Variants in SLC14A2 observed in about 807,000 individuals in gnomAD.
The protein encoded by SLC14A2 is solute carrier family 14 member 2, also known as urea transporter 2.
In SLC14A2, 91 loss-of-function variants were observed where a neutral mutation model predicts 104.6. That is an observed-to-expected ratio of 0.87 (90% CI 0.73 to 1.04). The LOEUF is 1.04. SLC14A2 is among the 50% of genes least tolerant of loss of function. The pLI, the probability that SLC14A2 is intolerant of heterozygous loss-of-function variation, is 0.00. For missense variants in SLC14A2, 1,189 were observed against 1,156.0 expected, an observed-to-expected ratio of 1.03 and a Z score of -0.41; for synonymous variants, 476 against 466.4, an observed-to-expected ratio of 1.02 and a Z score of -0.27.
chr18:45,205,493 C>A, the SLC14A2 span, among the ~76,000 whole-genome samples: 1 of 151,974 alleles, frequency 6.6e-6, no homozygotes, highest in Non-Finnish European at 1.5e-5. Context: ...TGAAGCGAGC[C>A]GTATAATGAG....
chr18:45,351,233 T>C (rs1233217498), intron 1 of SLC14A2, among the ~76,000 whole-genome samples: 1 of 152,220 alleles, frequency 6.6e-6, no homozygotes, highest in Non-Finnish European at 1.5e-5. Flanking sequence ...ATCTTGACCC[T>C]GATCAGTTTA....
At chr18:45,242,371 G>A (rs1390983107) in intron 1 of SLC14A2, among the ~76,000 whole-genome samples, 3 of 152,294 alleles carry the variant, frequency 2.0e-5, no homozygotes, top group Non-Finnish European at 2.9e-5. Flanking sequence ...TGTCACGTCA[G>A]TCAAAGGCGG....
chr18:45,667,778 C>T (rs1040978347), intron 13 of SLC14A2, 55 bp from the exon 14 acceptor site: 3 of 1,488,694 alleles, frequency 2.0e-6, no homozygotes, highest in Non-Finnish European at 1.9e-6. Context: ...CATCTGCCCA[C>T]CCAGGGCTGC....
At chr18:45,327,427 G>A (rs1036733203) in intron 1 of SLC14A2, among the ~76,000 whole-genome samples, 6 of 152,024 alleles carry the variant, frequency 3.9e-5, no homozygotes, top group African/African-American at 9.7e-5. Context: ...AAGTACATTC[G>A]CAATGCCATG....
chr18:45,196,042 G>A, the SLC14A2 span, among the ~76,000 whole-genome samples: 1 of 152,168 alleles, frequency 6.6e-6, no homozygotes, highest in African/African-American at 2.4e-5. Context: ...TGGAAGTGAA[G>A]TACAGAAACA....
At chr18:45,181,198 CTG>C in the SLC14A2 span, 1 of 152,354 alleles carries the variant, frequency 6.6e-6, no homozygotes, top group South Asian at 2.1e-4. Flanking sequence ...CACACGAAGT[CTG>C]TATGTCCGTA....
chr18:45,451,679 A>G (rs937387670), intron 1 of SLC14A2, among the ~76,000 whole-genome samples: 1 of 150,668 alleles, frequency 6.6e-6, no homozygotes, highest in Non-Finnish European at 1.5e-5. Flanking sequence ...CAGTTTATCT[A>G]TGCCTGCAAT....
rs2045508257 is a variant in SLC14A2, at chr18:45,640,570, T to A, written c.992-639T>A. On this transcript the variant is annotated intron_variant, in intron 7 of 19. Transcript: ENST00000255226. ...GTATTTGCTCTTTCTGACAACAGAG[T>A]CAGAGATTGGGGTAGGAGCATTGGG... is the stretch of plus-strand genomic sequence containing the variant. 3.3e-5 allele frequency among the ~76,000 whole-genome samples: 5 copies of A among 152,162 alleles called. No homozygotes were observed. The South Asian group carries it at 1.0e-3, about 32-fold the overall frequency.
At chr18:45,642,711 TCA>T (rs976757503) in intron 8 of SLC14A2, among the ~76,000 whole-genome samples, 8 of 152,152 alleles carry the variant, frequency 5.3e-5, no homozygotes, top group Non-Finnish European at 7.3e-5. Context: ...TCACAGCTGC[TCA>T]CAGTCTTGAA....
chr18:45,595,162 A>G (rs1039931872), intron 2 of SLC14A2, among the ~76,000 whole-genome samples: 1 of 152,236 alleles, frequency 6.6e-6, no homozygotes, highest in Non-Finnish European at 1.5e-5. Context: ...TTATAAAAAT[A>G]ATAGTATGCT....
chr18:45,268,423 C>A (rs2084614830), intron 1 of SLC14A2, among the ~76,000 whole-genome samples: 1 of 152,168 alleles, frequency 6.6e-6, no homozygotes, highest in Admixed American at 6.5e-5. Flanking sequence ...GTCTCTAATA[C>A]AGGATAAATA....
chr18:45,359,852 T>C (rs1376277023), intron 1 of SLC14A2, among the ~76,000 whole-genome samples: 3 of 152,230 alleles, frequency 2.0e-5, no homozygotes, highest in African/African-American at 7.2e-5. Flanking sequence ...GATGAAATGA[T>C]AGGGGCTCAG....
intron 1 of SLC14A2, among the ~76,000 whole-genome samples, chr18:45,300,674 G>A (rs2084959912): frequency 6.6e-6 from 1 of 152,090 alleles, no homozygotes; most frequent in Admixed American, 6.6e-5. Context: ...TATAAACCAG[G>A]CACTCTTTTA....
In SLC14A2 at chr18:45,673,033, TG is replaced by T; in HGVS notation, c.2367del (p.Met790CysfsTer2). The part of the protein sequence containing the change: ...ICLHAAIGST[M>X]GMLAALTIAT... ...TTGCATGCAGCAATTGGATCCACCA[TG>T]GGGATGCTAGCAGGTCTGTGTCCTC... On this transcript the variant is annotated frameshift_variant, in exon 17 of 20. Transcript: ENST00000255226. LOFTEE classifies it high-confidence loss of function. 1 of 1,614,016 alleles carries T rather than the reference TG, an allele frequency of 6.2e-7. No individual in the cohort carries two copies. Among genetic ancestry groups the T allele is most frequent in the South Asian group, 1.1e-5 (1 of 91,086 alleles).
intron 5 of SLC14A2, among the ~76,000 whole-genome samples, chr18:45,634,296 AT>A (rs1256394922): frequency 2.6e-5 from 4 of 152,244 alleles, no homozygotes; most frequent in Non-Finnish European, 1.5e-5. Context: ...TGCTGGGAAT[AT>A]TTGTAAACAA....
chr18:45,286,732 G>GTGTGTGTC (rs1162796097), intron 1 of SLC14A2, among the ~76,000 whole-genome samples: 9 of 152,048 alleles, frequency 5.9e-5, no homozygotes, highest in African/African-American at 2.2e-4. Context: ...GTGTGTGTGT[G>GTGTGTGTC]TGTGTCTGTG....
At chr18:45,263,710 T>G (rs1306572985) in intron 1 of SLC14A2, among the ~76,000 whole-genome samples, 1 of 152,242 alleles carries the variant, frequency 6.6e-6, no homozygotes. Context: ...ATTTATTGTA[T>G]TCTGCTGTTA....
chr18:45,414,596 TA>T (rs200138739), intron 1 of SLC14A2, among the ~76,000 whole-genome samples: 134 of 143,234 alleles, frequency 9.4e-4, no homozygotes, highest in African/African-American at 1.7e-3. Context: ...ATCCAGAACT[TA>T]AAAAAAAAAA....
chr18:45,408,988 T>G (rs902180068), intron 1 of SLC14A2, among the ~76,000 whole-genome samples: 1 of 152,078 alleles, frequency 6.6e-6, no homozygotes, highest in African/African-American at 2.4e-5. Flanking sequence ...CTTAACAAAA[T>G]GCAATCTGGG....
Sources: gnomAD v4.1 joint callset for allele counts (sites outside exome capture counted in the v4.1 genomes callset) on GRCh38, gnomAD v4.1.1 for gene constraint, MANE v1.5 for transcripts, NCBI Gene and HGNC (gene_info 2026-07-23, HGNC 2026-07-21) for gene names.